Variants in CHD7 observed in about 807,000 individuals in gnomAD.
CHD7 encodes the protein ATP-dependent chromatin remodeler CHD7.
CHD7 carries 24 observed loss-of-function variants against 307.3 expected under a neutral mutation model. The ratio of observed to expected loss-of-function variants is 0.08; its 90% CI spans 0.06 to 0.11. The LOEUF is 0.11. CHD7 is among the 10% of genes least tolerant of loss of function. CHD7 has a pLI of 1.00. For missense variants in CHD7, 3,106 were observed against 3,727.1 expected, an observed-to-expected ratio of 0.83 and a Z score of 4.34; for synonymous variants, 1,363 against 1,349.9, an observed-to-expected ratio of 1.01 and a Z score of -0.21.
At chr8:60,701,117 CTG>C (rs1168004522) in intron 1 of CHD7, among the ~76,000 whole-genome samples, 5 of 152,220 alleles carry the variant, frequency 3.3e-5, no homozygotes, top group African/African-American at 9.6e-5. Flanking sequence ...ACTCAGCAGA[CTG>C]TAGGTACAAT....
At position 60,681,705 on chromosome 8, in the gene CHD7, C is replaced by T. The variant is rs1185034479; in HGVS notation, c.-175+2623C>T. 2.0e-5 allele frequency among the ~76,000 whole-genome samples: 3 copies of T among 152,112 alleles called. No homozygotes were observed. In the East Asian group the frequency reaches 5.8e-4, roughly 29 times the overall value. On this transcript the variant is annotated intron_variant, in intron 1 of 37. Transcript: ENST00000423902. ...ATAAAAGGACATAATGGATTTTTGTCAGGCTTGTAACAGGTGAATTTCCTC... is the reference window on the plus strand; with the variant it reads ...ATAAAAGGACATAATGGATTTTTGTTAGGCTTGTAACAGGTGAATTTCCTC...
intron 7 of CHD7, among the ~76,000 whole-genome samples, chr8:60,812,878 A>G (rs1239369082): frequency 6.6e-6 from 1 of 151,916 alleles, no homozygotes; most frequent in Non-Finnish European, 1.5e-5. Context: ...CTATTTCCCT[A>G]GTAGCTTTTC....
intron 1 of CHD7, among the ~76,000 whole-genome samples, chr8:60,717,210 A>C (rs749301048): frequency 6.6e-6 from 1 of 152,202 alleles, no homozygotes; most frequent in African/African-American, 2.4e-5. Context: ...ACATTAGTTT[A>C]CTGTCAAGTT....
At chr8:60,734,195 C>A (rs1339397709) in intron 1 of CHD7, among the ~76,000 whole-genome samples, 1 of 152,170 alleles carries the variant, frequency 6.6e-6, no homozygotes, top group African/African-American at 2.4e-5. Flanking sequence ...GTGTGCTATC[C>A]TGTAGGAGGA....
At chr8:60,818,364 T>C (rs1433968508) in intron 8 of CHD7, among the ~76,000 whole-genome samples, 3 of 152,226 alleles carry the variant, frequency 2.0e-5, no homozygotes, top group African/African-American at 7.2e-5. Context: ...TAGAAATGTG[T>C]AGGAAAAGTT....
chr8:60,713,092 A>G (rs1172041819), intron 1 of CHD7, among the ~76,000 whole-genome samples: 4 of 146,518 alleles, frequency 2.7e-5, no homozygotes, highest in Non-Finnish European at 4.5e-5. Context: ...TTAAATTGCT[A>G]TAGAGATTTT....
At chr8:60,738,568 A>G (rs186964010) in intron 1 of CHD7, among the ~76,000 whole-genome samples, 1 of 152,312 alleles carries the variant, frequency 6.6e-6, no homozygotes, top group East Asian at 1.9e-4. Context: ...GAAAGTGGGC[A>G]TTCAGATGGT....
intron 15 of CHD7, among the ~76,000 whole-genome samples, chr8:60,833,040 C>T (rs753215512): frequency 3.9e-5 from 6 of 152,180 alleles, no homozygotes; most frequent in African/African-American, 7.2e-5. Context: ...AGATAACTTA[C>T]GCAGACATTG....
rs1391622750 is a variant in CHD7, at chr8:60,742,649, C to T, written c.1217C>T (p.Ala406Val). The T allele has an allele frequency of 3.1e-6, 5 of 1,610,806 alleles. No homozygotes were observed. Among genetic ancestry groups the T allele is most frequent in the Admixed American group, 1.7e-5 (1 of 59,930 alleles). The change falls in exon 2 of 38, where the codon GCA (alanine) becomes GTA (valine). Residue 406 changes from alanine to valine, a missense_variant. Around this residue, in one of 10 missense-constraint regions of CHD7, gnomAD observed 998 missense variants for 1,004.5 expected, o/e 0.99. Coordinates refer to ENST00000423902, the MANE Select transcript of CHD7 (RefSeq NM_017780.4). ...MSPMKAMSNP[A>V]GTPPPQVRPG... The stretch of plus-strand genomic sequence containing the variant: ...CCCATGAAAGCAATGAGTAATCCAG[C>T]AGGCACTCCTCCTCCACAAGTCAGG...
At chr8:60,728,706 A>G (rs974253196) in intron 1 of CHD7, among the ~76,000 whole-genome samples, 5 of 152,244 alleles carry the variant, frequency 3.3e-5, no homozygotes, top group Non-Finnish European at 5.9e-5. Flanking sequence ...TGAAAGAAAT[A>G]TTGAAATATA....
intron 34 of CHD7, among the ~76,000 whole-genome samples, chr8:60,859,041 G>A (rs567630927): frequency 2.6e-5 from 4 of 152,230 alleles, no homozygotes; most frequent in Admixed American, 6.5e-5. Context: ...ATTTTAAGCC[G>A]TTGTTAAGAA....
chr8:60,855,147 A>C (rs538286264), intron 32 of CHD7: 1 of 152,358 alleles, frequency 6.6e-6, no homozygotes, highest in East Asian at 1.9e-4. Context: ...AACACAAAAA[A>C]TGAGCTTCAG....
At chr8:60,695,152 G>A (rs1321302074) in intron 1 of CHD7, among the ~76,000 whole-genome samples, 1 of 152,112 alleles carries the variant, frequency 6.6e-6, no homozygotes. Context: ...TTGACATTTG[G>A]AACTTAGATT....
intron 1 of CHD7, among the ~76,000 whole-genome samples, chr8:60,706,364 A>T (rs1363020425): frequency 6.6e-6 from 1 of 152,232 alleles, no homozygotes; most frequent in Non-Finnish European, 1.5e-5. Flanking sequence ...TACACAGTTG[A>T]TAAAATAGCG....
intron 6 of CHD7, among the ~76,000 whole-genome samples, chr8:60,807,526 A>G (rs1481603133): frequency 6.6e-6 from 1 of 152,202 alleles, no homozygotes; most frequent in African/African-American, 2.4e-5. Context: ...TACTACTGAA[A>G]ACTCTTGATT....
At chr8:60,863,991 C>T (rs558449885) in intron 37 of CHD7, 1 of 151,974 alleles carries the variant, frequency 6.6e-6, no homozygotes, top group South Asian at 2.1e-4. Flanking sequence ...CCTGACCTCC[C>T]AAAGTGCTGA....
At chr8:60,693,378 C>T (rs1306576277) in intron 1 of CHD7, among the ~76,000 whole-genome samples, 4 of 152,236 alleles carry the variant, frequency 2.6e-5, no homozygotes, top group Non-Finnish European at 4.4e-5. Context: ...CCCCATTGCT[C>T]CTGCCGCTCA....
intron 1 of CHD7, among the ~76,000 whole-genome samples, chr8:60,701,929 G>A (rs1285374183): frequency 6.6e-6 from 1 of 152,232 alleles, no homozygotes; most frequent in African/African-American, 2.4e-5. Context: ...CTGGTGTTGT[G>A]CTCTGCAGAG....
At chr8:60,771,057 A>G (rs1039668371) in intron 2 of CHD7, among the ~76,000 whole-genome samples, 3 of 152,230 alleles carry the variant, frequency 2.0e-5, no homozygotes, top group Admixed American at 6.5e-5. Flanking sequence ...TAAAATGGTG[A>G]TAACTTCACT....
Sources: allele counts gnomAD v4.1 joint callset (sites outside exome capture counted in the v4.1 genomes callset), GRCh38; gene constraint gnomAD v4.1.1; regional missense constraint gnomAD v4.1.1; transcripts MANE v1.5; gene names NCBI Gene and HGNC (gene_info 2026-07-23, HGNC 2026-07-21).